NDST4: variants seen among roughly 807,000 people sequenced by gnomAD.
NDST4 encodes N-deacetylase and N-sulfotransferase 4.
NDST4 carries 63 observed loss-of-function variants against 100.8 expected under a neutral mutation model. The observed-to-expected ratio is 0.62, with a 90% CI of 0.51 to 0.77. The LOEUF is 0.77. NDST4 is among the 30% of genes least tolerant of loss of function. NDST4 has a pLI of 0.00. For synonymous variants in NDST4, 377 were observed against 361.8 expected (o/e 1.04, Z -0.48); for missense variants, 943 against 1,018.4 (o/e 0.93, Z 1.01).
intron 10 of NDST4, among the ~76,000 whole-genome samples, chr4:114,842,228 C>CT (rs1408172652): frequency 6.6e-6 from 1 of 152,082 alleles, no homozygotes; most frequent in Non-Finnish European, 1.5e-5. Context: ...TTCACATCCT[C>CT]TTTTTTTCCT....
At chr4:114,901,150 C>T (rs907904949) in intron 6 of NDST4, among the ~76,000 whole-genome samples, 1 of 151,840 alleles carries the variant, frequency 6.6e-6, no homozygotes. Flanking sequence ...CTATAGATGT[C>T]CATTATATCC....
At chr4:114,992,860 C>T (rs920807354) in intron 2 of NDST4, among the ~76,000 whole-genome samples, 8 of 151,742 alleles carry the variant, frequency 5.3e-5, no homozygotes, top group Non-Finnish European at 7.4e-5. Context: ...TTTACATTTC[C>T]TATGAGAACT....
At chr4:114,887,571 T>G (rs1017305822) in intron 6 of NDST4, among the ~76,000 whole-genome samples, 2 of 152,026 alleles carry the variant, frequency 1.3e-5, no homozygotes, top group Non-Finnish European at 2.9e-5. Flanking sequence ...AGCATTGATG[T>G]CTGCTTGCTG....
intron 2 of NDST4, among the ~76,000 whole-genome samples, chr4:115,005,431 C>T (rs1727391601): frequency 6.6e-6 from 1 of 152,004 alleles, no homozygotes. Context: ...GAGCCATAGG[C>T]ATATATGGCA....
intron 5 of NDST4, among the ~76,000 whole-genome samples, chr4:114,936,081 G>A (rs1330975023): frequency 6.6e-6 from 1 of 151,266 alleles, no homozygotes; most frequent in Non-Finnish European, 1.5e-5. Flanking sequence ...TAAAAAGAAT[G>A]CTTTCATTTC....
At chr4:114,886,923 G>T (rs1283860989) in intron 6 of NDST4, among the ~76,000 whole-genome samples, 1 of 152,126 alleles carries the variant, frequency 6.6e-6, no homozygotes, top group Non-Finnish European at 1.5e-5. Flanking sequence ...ACTCACAGGA[G>T]AGCAGAGAAA....
chr4:115,027,325 C>A (rs1458706661), intron 2 of NDST4, among the ~76,000 whole-genome samples: 1 of 152,122 alleles, frequency 6.6e-6, no homozygotes, highest in African/African-American at 2.4e-5. Flanking sequence ...TCTATTAAAA[C>A]AGTTTGCCAA....
chr4:114,896,958 G>A (rs1435524217), intron 6 of NDST4, among the ~76,000 whole-genome samples: 2 of 152,038 alleles, frequency 1.3e-5, no homozygotes, highest in East Asian at 3.9e-4. Flanking sequence ...GCATAATTGA[G>A]TGGCAGGTAC....
In NDST4 at chr4:114,935,330, A is replaced by T; in HGVS notation, c.1412T>A (p.Leu471His). ...KGFIHNSIMVLPRQTCGLFTH... is the reference protein window; with the variant it reads ...KGFIHNSIMVHPRQTCGLFTH... ...GAACAACCCACAAGTCTGTCGAGGGAGGACCTGAGTAAAAAAGGGGAAAAA... is the reference window on the plus strand; with the variant it reads ...GAACAACCCACAAGTCTGTCGAGGGTGGACCTGAGTAAAAAAGGGGAAAAA... The change falls in exon 6 of 14, where the codon CTC becomes CAC. Residue 471 changes from leucine to histidine, a missense_variant. By Grantham distance (99) the Leu-to-His change is moderately conservative. Transcript: ENST00000264363. The T allele has an allele frequency of 6.3e-7, 1 of 1,584,910 alleles. No homozygotes were observed. Among genetic ancestry groups the T allele is most frequent in the African/African-American group, 1.4e-5 (1 of 73,466 alleles).
intron 2 of NDST4, among the ~76,000 whole-genome samples, chr4:115,011,440 T>C (rs1160322030): frequency 6.6e-6 from 1 of 151,670 alleles, no homozygotes; most frequent in African/African-American, 2.4e-5. Context: ...CAATGGAGTT[T>C]AGACTAACAT....
At chr4:114,955,696 A>T (rs544300283) in intron 4 of NDST4, among the ~76,000 whole-genome samples, 1 of 152,354 alleles carries the variant, frequency 6.6e-6, no homozygotes, top group African/African-American at 2.4e-5. Flanking sequence ...TTTTAAAAAC[A>T]TTAAAAATAT....
chr4:114,996,043 T>G (rs1054293605), intron 2 of NDST4, among the ~76,000 whole-genome samples: 14 of 152,116 alleles, frequency 9.2e-5, no homozygotes, highest in Admixed American at 6.6e-5. Context: ...AAACTTATCT[T>G]AAGAGATCAT....
At chr4:114,985,984 C>T (rs1248508670) in intron 2 of NDST4, among the ~76,000 whole-genome samples, 1 of 152,104 alleles carries the variant, frequency 6.6e-6, no homozygotes, top group African/African-American at 2.4e-5. Context: ...AACTTTGTTA[C>T]ACAGGATTGG....
intron 6 of NDST4, among the ~76,000 whole-genome samples, chr4:114,912,751 A>C (rs1004661132): frequency 6.6e-6 from 1 of 152,138 alleles, no homozygotes; most frequent in African/African-American, 2.4e-5. Flanking sequence ...TTTTGGGGGC[A>C]AGAATTATCA....
chr4:115,003,247 A>C (rs1454132161), intron 2 of NDST4, among the ~76,000 whole-genome samples: 2 of 152,336 alleles, frequency 1.3e-5, no homozygotes, highest in African/African-American at 4.8e-5. Flanking sequence ...AAAGTTAAAA[A>C]GAAGAAGAAA....
Position 114,953,103 on chromosome 4 carries a change from C to T in NDST4, c.1222-15600G>A, listed in dbSNP as rs146317347. On this transcript the variant is annotated intron_variant, in intron 4 of 13. Coordinates refer to ENST00000264363, the MANE Select transcript of NDST4 (RefSeq NM_022569.3). ...CATCAGCTCTTACTTTGCAGTGCTG[C>T]GTGGTGGTACAACTGGAAACACATG... is the stretch of plus-strand genomic sequence containing the variant. Among the ~76,000 whole-genome samples the T allele has an allele frequency of 3.1e-4, 47 of 149,500 alleles. 1 individual carries two copies. In the East Asian group the frequency reaches 8.3e-3, roughly 26 times the overall value.
intron 2 of NDST4, among the ~76,000 whole-genome samples, chr4:115,023,135 A>T (rs1263339289): frequency 6.6e-6 from 1 of 152,264 alleles, no homozygotes. Flanking sequence ...AAATGGGTGC[A>T]GTGTATACTG....
chr4:115,043,208 A>G lies in NDST4; in HGVS notation c.978+32851T>C, dbSNP rs542604581. Among the ~76,000 whole-genome samples, 267 of 152,234 alleles carry G rather than the reference A, an allele frequency of 1.8e-3. 1 individual carries two copies. The highest frequency in any genetic ancestry group is 6.1e-3 in the African/African-American group (254 of 41,566). On this transcript the variant is annotated intron_variant, in intron 2 of 13. Coordinates refer to ENST00000264363, the MANE Select transcript of NDST4 (RefSeq NM_022569.3). ...AAAAATGAAATTATGATAAATATGC[A>G]AAATATTGGTTGTCAATCATGGTCT... is the stretch of plus-strand genomic sequence containing the variant.
chr4:115,110,692 CTG>C (rs963219463), intron 1 of NDST4, among the ~76,000 whole-genome samples: 23 of 151,980 alleles, frequency 1.5e-4, no homozygotes, highest in Admixed American at 1.1e-3. Context: ...TGAGAATAAA[CTG>C]TATTTTATAG....
Sources: allele counts gnomAD v4.1 joint callset (sites outside exome capture counted in the v4.1 genomes callset), GRCh38; gene constraint gnomAD v4.1.1; transcripts MANE v1.5; gene names NCBI Gene and HGNC (gene_info 2026-07-23, HGNC 2026-07-21).